Variants in STK32C observed in about 807,000 individuals in gnomAD.
STK32C encodes the protein serine/threonine kinase 32C, also known as serine/threonine-protein kinase 32C.
In STK32C, 31 loss-of-function variants were observed where a neutral mutation model predicts 56.5. The observed-to-expected ratio is 0.55, with a 90% confidence interval of 0.41 to 0.74. The LOEUF (loss-of-function observed/expected upper bound fraction) is 0.74. STK32C is among the 30% of genes least tolerant of loss of function. The probability of loss-of-function intolerance (pLI) is 0.00; values close to 1 mark genes in which losing one functional copy is unlikely to be tolerated. For missense variants in STK32C, 544 were observed against 676.9 expected (o/e 0.80, Z 2.18); for synonymous variants, 309 against 289.4 (o/e 1.07, Z -0.69).
chr10:132,273,960 G>A (rs1313955030), intron 1 of STK32C, among the ~76,000 whole-genome samples: 1 of 152,240 alleles, frequency 6.6e-6, no homozygotes, highest in African/African-American at 2.4e-5. Flanking sequence ...CTGCGCTTCT[G>A]ACTTCTCAGC....
chr10:132,251,333 G>A (rs1049164048), intron 1 of STK32C, among the ~76,000 whole-genome samples: 5 of 152,226 alleles, frequency 3.3e-5, no homozygotes, highest in Non-Finnish European at 5.9e-5. Flanking sequence ...GCGTGGTGGT[G>A]CCATGGGCAG....
chr10:132,257,403 C>T (rs2064159227), intron 1 of STK32C, among the ~76,000 whole-genome samples: 2 of 152,118 alleles, frequency 1.3e-5, no homozygotes, highest in Non-Finnish European at 2.9e-5. Flanking sequence ...CAGCCACAGG[C>T]CCCTAGGCCA....
chr10:132,299,225 G>C (rs567395075), intron 1 of STK32C, among the ~76,000 whole-genome samples: 4 of 142,544 alleles, frequency 2.8e-5, no homozygotes, highest in Non-Finnish European at 6.0e-5. Context: ...CAGCAGAACT[G>C]AGACCCCAGG....
At chr10:132,297,141 C>A (rs1048561821) in intron 1 of STK32C, among the ~76,000 whole-genome samples, 2 of 152,226 alleles carry the variant, frequency 1.3e-5, no homozygotes, top group Admixed American at 6.5e-5. Flanking sequence ...TTCCTTCCTG[C>A]GCCTCTGGCT....
In STK32C at chr10:132,235,001, G is replaced by C. The variant is rs536050617; in HGVS notation, c.319-6873C>G. On this transcript the variant is annotated intron_variant, in intron 2 of 11. Coordinates refer to ENST00000298630, the MANE Select transcript of STK32C (RefSeq NM_173575.4). ...CGGTTGGGGAAGAAAGCAAGGTGAA[G>C]CTGTGACTGGTGTGAGCGGTGTGAG... Among the ~76,000 whole-genome samples, 4 of 152,338 alleles carry C rather than the reference G, an allele frequency of 2.6e-5. No homozygotes were observed. In the South Asian group the frequency reaches 8.3e-4, roughly 32 times the overall value.
intron 1 of STK32C, among the ~76,000 whole-genome samples, chr10:132,275,655 C>A (rs1020570765): frequency 1.3e-5 from 2 of 152,210 alleles, no homozygotes; most frequent in African/African-American, 4.8e-5. Flanking sequence ...GCAGAGCCAC[C>A]CACCGTCACT....
rs192200002 is a variant in STK32C, at chr10:132,314,269, G to A, written c.301+17167C>T. On this transcript the variant is annotated intron_variant, in intron 1 of 3. Coordinates refer to the STK32C transcript ENST00000368620. ...TGTAAAACTGCACAACTTACAAAGG[G>A]CAAAGAGATGATGACACTGCTGAGC... Among the ~76,000 whole-genome samples the A allele has an allele frequency of 1.8e-4, 28 of 152,350 alleles. No homozygotes were observed. The East Asian group carries it at 5.4e-3, about 29-fold the overall frequency.
intron 2 of STK32C, among the ~76,000 whole-genome samples, chr10:132,240,686 G>A (rs971378460): frequency 4.6e-5 from 7 of 152,078 alleles, no homozygotes; most frequent in Non-Finnish European, 7.4e-5. Context: ...GACGCCGTGC[G>A]CCTGTGCTTC....
At chr10:132,331,200 C>CAAAAAAAA (rs35734065) in intron 1 of STK32C, among the ~76,000 whole-genome samples, 19 of 56,306 alleles carry the variant, frequency 3.4e-4, no homozygotes, top group Non-Finnish European at 4.8e-4. Flanking sequence ...GACTCCACCT[C>CAAAAAAAA]AAAAAAAAAA....
chr10:132,276,510 G>A (rs113808122), intron 1 of STK32C, among the ~76,000 whole-genome samples: 10 of 152,310 alleles, frequency 6.6e-5, no homozygotes, highest in African/African-American at 1.7e-4. Flanking sequence ...GGCGAGGCAC[G>A]GCGGCTCACG....
intron 8 of STK32C, among the ~76,000 whole-genome samples, chr10:132,223,434 C>A (rs2062756348): frequency 6.6e-6 from 1 of 152,234 alleles, no homozygotes; most frequent in Non-Finnish European, 1.5e-5. Flanking sequence ...AAGCAACATC[C>A]CAGCGCTGGC....
chr10:132,267,265 C>T (rs764898913), intron 1 of STK32C, among the ~76,000 whole-genome samples: 1 of 152,202 alleles, frequency 6.6e-6, no homozygotes, highest in Non-Finnish European at 1.5e-5. Context: ...GGCCAAAATG[C>T]GAGAAGTCTG....
At chr10:132,324,431 A>G (rs915279638) in intron 1 of STK32C, 8 of 726,328 alleles carry the variant, frequency 1.1e-5, no homozygotes, top group Non-Finnish European at 1.8e-5. Context: ...TTCAAGGAAG[A>G]GCAATGTATT....
At position 132,324,297 on chromosome 10, in the gene STK32C, C is replaced by A. The variant is rs1324138733; in HGVS notation, c.378G>T (p.Gln126His). Residue 126 changes from glutamine to histidine, a missense_variant, in exon 2 of 2, where the codon CAG (glutamine) becomes CAT (histidine). By Grantham distance (24) the Gln-to-His change is conservative. Coordinates refer to the STK32C transcript ENST00000368619. ...CAGCTTTTTCATGGCAGCCTGAAGG[C>A]TGCAGCTTCTTGTCTTTCCACACCA... 18 of 779,676 alleles carry A rather than the reference C, an allele frequency of 2.3e-5. No homozygotes were observed. The East Asian group carries it at 4.4e-4, about 19-fold the overall frequency. The allele number at this position is 779,676 out of a possible 1,614,324, so 48.3% of individuals were successfully genotyped here.
chr10:132,211,225 C>T (rs1394236624), intron 10 of STK32C, among the ~76,000 whole-genome samples: 3 of 152,108 alleles, frequency 2.0e-5, no homozygotes, highest in Non-Finnish European at 4.4e-5. Context: ...AAACTCGGGC[C>T]GGCCTGAGAA....
intron 1 of STK32C, among the ~76,000 whole-genome samples, chr10:132,318,060 G>A (rs2066339662): frequency 6.6e-6 from 1 of 151,716 alleles, no homozygotes; most frequent in East Asian, 1.9e-4. Context: ...ACAAGGTCAG[G>A]AGTTCCAGAC....
chr10:132,293,922 C>T (rs1040764499), intron 1 of STK32C, among the ~76,000 whole-genome samples: 2 of 152,176 alleles, frequency 1.3e-5, no homozygotes, highest in African/African-American at 2.4e-5. Flanking sequence ...GAACACCTGA[C>T]GGTCACAGGC....
At chr10:132,266,747 T>G (rs1590326727) in intron 1 of STK32C, among the ~76,000 whole-genome samples, 5 of 137,254 alleles carry the variant, frequency 3.6e-5, no homozygotes, top group South Asian at 2.4e-4. Flanking sequence ...CTCCATGGGG[T>G]GGAAGGAGTG....
chr10:132,280,615 A>T (rs1398253888), intron 1 of STK32C, among the ~76,000 whole-genome samples: 1 of 144,982 alleles, frequency 6.9e-6, no homozygotes, highest in Non-Finnish European at 1.5e-5. Flanking sequence ...CTCTGTGACC[A>T]CGCCCCTGCA....
Sources: allele counts gnomAD v4.1 joint callset (sites outside exome capture counted in the v4.1 genomes callset), GRCh38; gene constraint gnomAD v4.1.1; transcripts MANE v1.5; gene names NCBI Gene and HGNC (gene_info 2026-07-23, HGNC 2026-07-21).